The following P3H2 variants were observed in gnomAD, a reference collection of about 807,000 sequenced individuals.
P3H2 encodes the protein leprecan-like 1.
A neutral mutation model predicts 87.0 loss-of-function variants in P3H2; 80 were observed. The ratio of observed to expected loss-of-function variants is 0.92; its 90% CI spans 0.77 to 1.11. P3H2 has a LOEUF of 1.11. Ranked by LOEUF, P3H2 falls within the 50% of genes least tolerant of loss-of-function variation. The probability of loss-of-function intolerance (pLI) is 0.00; values close to 1 mark genes in which losing one functional copy is unlikely to be tolerated. For synonymous variants in P3H2, 367 were observed against 359.3 expected (o/e 1.02, Z -0.24); for missense variants, 1,001 against 923.9 (o/e 1.08, Z -1.08).
Position 190,033,007 on chromosome 3 carries a change from G to T in P3H2, c.481-37565C>A, listed in dbSNP as rs1577285108. Among the ~76,000 whole-genome samples the T allele has an allele frequency of 2.6e-5, 4 of 152,252 alleles. No homozygotes were observed. In the South Asian group the frequency reaches 6.2e-4, roughly 24 times the overall value. On this transcript the variant is annotated intron_variant, in intron 1 of 14. Coordinates refer to ENST00000319332, the MANE Select transcript of P3H2 (RefSeq NM_018192.4). ...CTGAGCTTGTTTTCTGAAACTAGACGGTCCCATCTAGTGGTGATGGGAGAC... is the reference window on the plus strand; with the variant it reads ...CTGAGCTTGTTTTCTGAAACTAGACTGTCCCATCTAGTGGTGATGGGAGAC...
rs1233718369 is a variant in P3H2 at position 190,100,253 on chromosome 3, C to A, written c.480+19999G>T. Among the ~76,000 whole-genome samples, 10 of 131,452 alleles carry A rather than the reference C, an allele frequency of 7.6e-5. No homozygotes were observed. The South Asian group carries it at 2.2e-3, about 30-fold the overall frequency. The allele number at this position is 131,452 out of a possible 152,430, so 86.2% of individuals were successfully genotyped here. ...TCCGTCCCCCGCCCCCCCCGCCGCC[C>A]CCCCCCCCAAAAAAAACACTTCTAT... On this transcript the variant is annotated intron_variant, in intron 1 of 14. Coordinates refer to ENST00000319332, the MANE Select transcript of P3H2 (RefSeq NM_018192.4).
intron 1 of P3H2, among the ~76,000 whole-genome samples, chr3:190,047,241 T>C (rs575571825): frequency 5.9e-5 from 9 of 152,322 alleles, no homozygotes; most frequent in Admixed American, 2.6e-4. Flanking sequence ...AGACTTCATA[T>C]AGCAAATGGT....
chr3:190,052,745 C>T (rs1316385770), intron 1 of P3H2, among the ~76,000 whole-genome samples: 3 of 151,538 alleles, frequency 2.0e-5, no homozygotes, highest in Admixed American at 6.6e-5. Flanking sequence ...ATCTATCTGT[C>T]TTTAGTGAGT....
chr3:190,082,910 C>T (rs62279650), intron 1 of P3H2, among the ~76,000 whole-genome samples: 2,222 of 152,008 alleles, frequency 0.015, 21 homozygotes, highest in Middle Eastern at 0.034. Flanking sequence ...GATTGTATAC[C>T]TATATTTATA....
Position 190,020,348 on chromosome 3 carries a change from G to A in P3H2, c.481-24906C>T, listed in dbSNP as rs1182491074. Among the ~76,000 whole-genome samples, 9 of 134,976 alleles carry A rather than the reference G, an allele frequency of 6.7e-5. 2 individuals are homozygous for A. Among genetic ancestry groups the A allele is most frequent in the African/African-American group, 1.5e-4 (6 of 39,088 alleles). The allele number at this position is 134,976 out of a possible 152,430, so 88.5% of individuals were successfully genotyped here. On this transcript the variant is annotated intron_variant, in intron 1 of 14. Coordinates refer to ENST00000319332, the MANE Select transcript of P3H2 (RefSeq NM_018192.4). ...AAATGAATTAGAATTTTTCTTTTGC[G>A]AAAGAGTGGAAGAGTTGTCTCAATA...
At chr3:190,068,656 G>A (rs1031772844) in intron 1 of P3H2, among the ~76,000 whole-genome samples, 1 of 152,060 alleles carries the variant, frequency 6.6e-6, no homozygotes, top group Admixed American at 6.6e-5. Flanking sequence ...GTTCATTCCT[G>A]GATGAAGGTG....
intron 1 of P3H2, among the ~76,000 whole-genome samples, chr3:190,023,055 T>C (rs202096846): frequency 6.6e-6 from 1 of 152,192 alleles, no homozygotes; most frequent in East Asian, 1.9e-4. Flanking sequence ...CTCGATCTCC[T>C]GACCTCACGA....
chr3:189,967,582 C>A (rs572076940), intron 13 of P3H2, among the ~76,000 whole-genome samples: 6 of 151,644 alleles, frequency 4.0e-5, no homozygotes, highest in African/African-American at 1.2e-4. Flanking sequence ...ATGCTTCCTA[C>A]ACTCAAGCTT....
At chr3:190,097,125 T>G (rs1171185658) in intron 1 of P3H2, among the ~76,000 whole-genome samples, 1 of 152,140 alleles carries the variant, frequency 6.6e-6, no homozygotes, top group Non-Finnish European at 1.5e-5. Flanking sequence ...TGTGATGAAG[T>G]TTCAGAGCAT....
At chr3:190,060,561 T>C (rs1726300052) in intron 1 of P3H2, among the ~76,000 whole-genome samples, 1 of 152,196 alleles carries the variant, frequency 6.6e-6, no homozygotes, top group Non-Finnish European at 1.5e-5. Context: ...ATAGCTATCA[T>C]TGCTTTCAGT....
chr3:190,020,106 C>T (rs1724890581), intron 1 of P3H2, among the ~76,000 whole-genome samples: 1 of 132,792 alleles, frequency 7.5e-6, no homozygotes, highest in Admixed American at 7.8e-5. Context: ...GAAAAGCTAT[C>T]AAATTAGTTC....
chr3:190,092,902 T>C (rs1727457597), intron 1 of P3H2, among the ~76,000 whole-genome samples: 1 of 152,170 alleles, frequency 6.6e-6, no homozygotes, highest in Admixed American at 6.5e-5. Context: ...TCCGAGTCAA[T>C]TCTGATCCCC....
At chr3:190,089,324 A>T (rs1727336134) in intron 1 of P3H2, among the ~76,000 whole-genome samples, 1 of 152,236 alleles carries the variant, frequency 6.6e-6, no homozygotes. Flanking sequence ...CATATGTAAC[A>T]AACCTGCACG....
chr3:190,008,976 C>A (rs1284769959), intron 1 of P3H2, among the ~76,000 whole-genome samples: 1 of 152,034 alleles, frequency 6.6e-6, no homozygotes, highest in Non-Finnish European at 1.5e-5. Flanking sequence ...GAAAGAACTT[C>A]TGAATAGATG....
chr3:189,992,192 T>G (rs959044029), intron 3 of P3H2, among the ~76,000 whole-genome samples: 2 of 152,172 alleles, frequency 1.3e-5, no homozygotes, highest in Admixed American at 1.3e-4. Flanking sequence ...CCTCCAAGGT[T>G]CAAGTGATTC....
chr3:190,014,250 G>C (rs1724683676), intron 1 of P3H2, among the ~76,000 whole-genome samples: 1 of 152,162 alleles, frequency 6.6e-6, no homozygotes, highest in Non-Finnish European at 1.5e-5. Flanking sequence ...TAAAGTTACA[G>C]GATTTCTTGT....
chr3:190,000,028 G>A (rs76308030), intron 1 of P3H2, among the ~76,000 whole-genome samples: 1 of 152,168 alleles, frequency 6.6e-6, no homozygotes, highest in Non-Finnish European at 1.5e-5. Context: ...GACACAGAAA[G>A]AGTTTTCCAT....
Position 190,083,573 on chromosome 3 carries a change from T to C in P3H2, c.480+36679A>G, listed in dbSNP as rs115482133. 5.6e-3 allele frequency among the ~76,000 whole-genome samples: 858 copies of C among 152,320 alleles called. 10 individuals are homozygous for C. The highest frequency in any genetic ancestry group is 0.02 in the African/African-American group (835 of 41,572). On this transcript the variant is annotated intron_variant, in intron 1 of 14. Transcript: ENST00000319332. ...TCTGTCATCAAAGGATCCACCCTTC[T>C]GAAAATGTGTAATTGTGGTGTATCC...
chr3:190,004,161 A>C (rs1311717990), intron 1 of P3H2, among the ~76,000 whole-genome samples: 4 of 152,186 alleles, frequency 2.6e-5, no homozygotes, highest in Non-Finnish European at 2.9e-5. Context: ...CCAATAATAA[A>C]AATTGCATTT....
Sources: gnomAD v4.1 joint callset for allele counts (sites outside exome capture counted in the v4.1 genomes callset) on GRCh38, gnomAD v4.1.1 for gene constraint, MANE v1.5 for transcripts, NCBI Gene and HGNC (gene_info 2026-07-23, HGNC 2026-07-21) for gene names.